GUCY2F: variants seen among roughly 807,000 people sequenced by gnomAD.
GUCY2F encodes the protein guanylate cyclase 2F, retinal.
Under a neutral mutation model 73.1 loss-of-function variants are expected in GUCY2F, and 61 were observed. The ratio of observed to expected loss-of-function variants is 0.83; its 90% CI spans 0.68 to 1.03. The LOEUF (loss-of-function observed/expected upper bound fraction) is 1.03. GUCY2F is among the 50% of genes least tolerant of loss of function. The probability of loss-of-function intolerance (pLI) is 0.00; values close to 1 mark genes in which losing one functional copy is unlikely to be tolerated. For synonymous variants in GUCY2F, 331 were observed against 307.8 expected (o/e 1.08, Z -0.79); for missense variants, 912 against 854.3 (o/e 1.07, Z -0.84).
chrX:109,425,367 GTA>G (rs1436507620), intron 8 of GUCY2F, among the ~76,000 whole-genome samples: 2 of 104,607 alleles, frequency 1.9e-5, no homozygotes, highest in African/African-American at 7.1e-5. Flanking sequence ...GTGTGTGTGT[GTA>G]TAGATATGAT....
intron 19 of GUCY2F, among the ~76,000 whole-genome samples, chrX:109,374,284 G>A (rs1477755502): frequency 8.9e-6 from 1 of 111,811 alleles, no homozygotes; most frequent in Non-Finnish European, 1.9e-5. Context: ...TTAACATGCT[G>A]ATTGAAGTAC....
chrX:109,480,046 C>CA (rs756247225), intron 1 of GUCY2F, among the ~76,000 whole-genome samples: 2 of 111,137 alleles, frequency 1.8e-5, no homozygotes, highest in South Asian at 3.8e-4. Context: ...AGTAGGTGCG[C>CA]AAAAAATATA....
chrX:109,398,959 A>G (rs1417444635), intron 10 of GUCY2F, among the ~76,000 whole-genome samples: 1 of 112,032 alleles, frequency 8.9e-6, no homozygotes, highest in Non-Finnish European at 1.9e-5. Context: ...AGAAGCTCAA[A>G]GTATAGAAAT....
At chrX:109,432,844 G>T (rs1333844221) in intron 7 of GUCY2F, among the ~76,000 whole-genome samples, 1 of 112,038 alleles carries the variant, frequency 8.9e-6, no homozygotes, top group Non-Finnish European at 1.9e-5. Context: ...AGTCGAAATT[G>T]GTTCTCTGAG....
intron 8 of GUCY2F, among the ~76,000 whole-genome samples, chrX:109,409,444 A>T (rs1260344264): frequency 8.9e-6 from 1 of 112,029 alleles, no homozygotes; most frequent in Non-Finnish European, 1.9e-5. Flanking sequence ...GAGAGATTCA[A>T]AATATGAGGA....
intron 8 of GUCY2F, among the ~76,000 whole-genome samples, chrX:109,413,652 C>T (rs189199758): frequency 1.8e-5 from 2 of 111,071 alleles, no homozygotes; most frequent in East Asian, 2.9e-4. Flanking sequence ...GTGATCCACT[C>T]GCCTTAGACT....
At chrX:109,392,815 T>C in intron 13 of GUCY2F, 77 bp downstream of exon 13, 1 of 659,267 alleles carries the variant, frequency 1.5e-6, no homozygotes, top group Admixed American at 3.1e-5. Context: ...TGATGGGTAA[T>C]TTTTTTCTTT....
chrX:109,372,995 T>C lies in GUCY2F; in HGVS notation c.*6A>G, dbSNP rs1234672026. ...AGAAGATTCAAATCCTGGAGCCCTT[T>C]GCCCCTGGGCGAGAGAAAGAGAAAA... On this transcript the variant is annotated 3_prime_UTR_variant, in exon 20 of 20. Transcript: ENST00000218006. 8.9e-6 allele frequency: 1 copy of C among 112,926 alleles called. No homozygotes were observed. Among genetic ancestry groups the C allele is most frequent in the Non-Finnish European group, 1.9e-5 (1 of 53,275 alleles). The allele number at this position is 112,926 out of a possible 1,213,427, so 9.3% of individuals were successfully genotyped here. A position where few individuals can be genotyped will look rare whatever the true frequency, so the allele number is the denominator to read the frequency against.
intron 8 of GUCY2F, among the ~76,000 whole-genome samples, chrX:109,414,587 C>A (rs1162655900): frequency 8.9e-6 from 1 of 112,150 alleles, no homozygotes; most frequent in Non-Finnish European, 1.9e-5. Flanking sequence ...TACATGGTTT[C>A]TGACCTCTTG....
intron 8 of GUCY2F, among the ~76,000 whole-genome samples, chrX:109,415,848 T>TA (rs1931226217): frequency 8.9e-6 from 1 of 111,938 alleles, no homozygotes; most frequent in African/African-American, 3.2e-5. Flanking sequence ...ATATCTAGCA[T>TA]AAAATAAAAA....
At chrX:109,401,181 C>T (rs1412433844) in intron 10 of GUCY2F, among the ~76,000 whole-genome samples, 1 of 112,184 alleles carries the variant, frequency 8.9e-6, no homozygotes, top group African/African-American at 3.2e-5. Context: ...CATCTCCACT[C>T]CAGAACCAAG....
intron 8 of GUCY2F, among the ~76,000 whole-genome samples, chrX:109,426,305 A>G (rs1226131238): frequency 1.8e-5 from 2 of 112,458 alleles, no homozygotes; most frequent in Non-Finnish European, 3.8e-5. Flanking sequence ...AAGACCTGAT[A>G]TAGTCAAATA....
At chrX:109,374,381 A>G (rs1930127943) in intron 19 of GUCY2F, among the ~76,000 whole-genome samples, 1 of 111,909 alleles carries the variant, frequency 8.9e-6, no homozygotes, top group African/African-American at 3.3e-5. Context: ...AGTACACAGA[A>G]GCTGGCCCTC....
intron 1 of GUCY2F, among the ~76,000 whole-genome samples, chrX:109,478,319 G>T (rs931796521): frequency 1.1e-4 from 12 of 112,063 alleles, no homozygotes; most frequent in African/African-American, 3.9e-4. Flanking sequence ...GGCAAAATTT[G>T]GGAGGCAGGA....
intron 8 of GUCY2F, among the ~76,000 whole-genome samples, chrX:109,410,999 T>G: frequency 9.0e-6 from 1 of 111,226 alleles, no homozygotes; most frequent in Middle Eastern, 4.6e-3. Flanking sequence ...ATTTGAAATT[T>G]ATATTGTGGG....
intron 6 of GUCY2F, among the ~76,000 whole-genome samples, chrX:109,446,125 G>A (rs1396308315): frequency 9.0e-6 from 1 of 111,653 alleles, no homozygotes; most frequent in African/African-American, 3.3e-5. Context: ...AAATAAAAGA[G>A]GACACAAACA....
chrX:109,381,976 A>G, intron 17 of GUCY2F, 142 bp downstream of exon 17: 2 of 395,653 alleles, frequency 5.1e-6, no homozygotes, highest in South Asian at 6.3e-5. Context: ...ATCTTTTGGG[A>G]ACCCCAAATG....
intron 7 of GUCY2F, among the ~76,000 whole-genome samples, chrX:109,435,706 A>C (rs765244990): frequency 2.7e-5 from 3 of 111,329 alleles, no homozygotes; most frequent in East Asian, 2.8e-4. Context: ...GTCTTGTGCC[A>C]GTTTTCAAAG....
intron 17 of GUCY2F, among the ~76,000 whole-genome samples, chrX:109,381,742 C>A (rs1930315192): frequency 1.8e-5 from 2 of 112,050 alleles, no homozygotes; most frequent in South Asian, 7.5e-4. Context: ...TCCAAACTCA[C>A]AATTACTATG....
Sources: gnomAD v4.1 joint callset for allele counts (sites outside exome capture counted in the v4.1 genomes callset) on GRCh38, gnomAD v4.1.1 for gene constraint, MANE v1.5 for transcripts, NCBI Gene and HGNC (gene_info 2026-07-23, HGNC 2026-07-21) for gene names.